SPSB1: variants seen among roughly 807,000 people sequenced by gnomAD.
SPSB1 encodes SPRY domain-containing SOCS box protein 1.
SPSB1 carries 8 observed loss-of-function variants against 21.2 expected under a neutral mutation model. That is an observed-to-expected ratio of 0.38 (90% confidence interval 0.22 to 0.68). The LOEUF is 0.68. Ranked by LOEUF, SPSB1 falls within the 30% of genes least tolerant of loss-of-function variation. SPSB1 has a pLI of 0.53. For missense variants in SPSB1, 242 were observed against 377.8 expected (o/e 0.64, Z 2.98); for synonymous variants, 169 against 161.7 (o/e 1.05, Z -0.34).
intron 2 of SPSB1, among the ~76,000 whole-genome samples, chr1:9,365,353 G>A (rs1356619886): frequency 6.6e-6 from 1 of 152,174 alleles, no homozygotes; most frequent in Non-Finnish European, 1.5e-5. Flanking sequence ...CTGGGCTCAA[G>A]CAGTCTTCTG....
intron 1 of SPSB1, among the ~76,000 whole-genome samples, chr1:9,308,345 G>A (rs1639455776): frequency 6.6e-6 from 1 of 152,172 alleles, no homozygotes; most frequent in Admixed American, 6.5e-5. Context: ...CCAGCAGTAG[G>A]TCCTGCATAC....
rs140283959 is a variant in SPSB1 at position 9,345,765 on chromosome 1, G to A, written c.-149-9978G>A. The stretch of plus-strand genomic sequence containing the variant: ...AGGTCAGGGACTAGAGCTCTGGACC[G>A]TGTGGGATTTTCTCTCCAAAATCAC... On this transcript the variant is annotated intron_variant, in intron 1 of 2. Coordinates refer to ENST00000328089, the MANE Select transcript of SPSB1 (RefSeq NM_025106.4). This position sits in a 1 kb window ranked among gnomAD's most constrained non-coding sequence, Gnocchi z 4.8. Among the ~76,000 whole-genome samples the A allele has an allele frequency of 2.8e-3, 419 of 152,314 alleles. 1 individual carries two copies. Among genetic ancestry groups the A allele is most frequent in the Middle Eastern group, 0.017 (5 of 294 alleles).
chr1:9,367,515 G>A lies in SPSB1; in HGVS notation c.762G>A (p.Leu254=). The change falls in exon 3 of 3, where the codon CTG becomes CTA. Residue 254 remains leucine (L), a synonymous_variant. Transcript: ENST00000328089. The surrounding 1 kb of genome is among the most constrained non-coding windows in gnomAD (Gnocchi z 5.9). ...GCCTGGCCCTGGGGAGGGAGCGCCTGGGGGAGATCCACACGCTGCCGCTGC... is the reference window on the plus strand; with the variant it reads ...GCCTGGCCCTGGGGAGGGAGCGCCTAGGGGAGATCCACACGCTGCCGCTGC... ...SVRLALGRER[L]GEIHTLPLPA... 6.2e-7 allele frequency: 1 copy of A among 1,611,002 alleles called. No individual in the cohort carries two copies.
At position 9,366,356 on chromosome 1, in the gene SPSB1, C is replaced by T. The variant is rs74051642; in HGVS notation, c.695-1092C>T. Among the ~76,000 whole-genome samples the T allele has an allele frequency of 6.5e-3, 986 of 152,348 alleles. 15 individuals carry two copies. The highest frequency in any genetic ancestry group is 0.022 in the African/African-American group (919 of 41,584). ...ACTGTCAGACAGAAGCACAGACACC[C>T]GGGGTTTCTCTGTCTCCATGTGGCA... On this transcript the variant is annotated intron_variant, in intron 2 of 2. Coordinates refer to ENST00000328089, the MANE Select transcript of SPSB1 (RefSeq NM_025106.4).
At chr1:9,319,936 C>T (rs114558831) in intron 1 of SPSB1, among the ~76,000 whole-genome samples, 2,799 of 152,204 alleles carry the variant, frequency 0.018, 76 homozygotes, top group African/African-American at 0.063. Flanking sequence ...GGACCATAGC[C>T]GGCCCCTGAG....
chr1:9,328,176 G>A (rs1382605831), intron 1 of SPSB1, among the ~76,000 whole-genome samples: 1 of 152,228 alleles, frequency 6.6e-6, no homozygotes, highest in African/African-American at 2.4e-5. Flanking sequence ...ACGTGGCTGT[G>A]TGGAGGATTC....
chr1:9,336,876 C>A (rs12728282), intron 1 of SPSB1, among the ~76,000 whole-genome samples: 1 of 151,920 alleles, frequency 6.6e-6, no homozygotes. Context: ...GAGACCCAGG[C>A]GGGTACGGGT....
chr1:9,311,396 T>C (rs1256862247), intron 1 of SPSB1, among the ~76,000 whole-genome samples: 1 of 152,118 alleles, frequency 6.6e-6, no homozygotes, highest in Non-Finnish European at 1.5e-5. Context: ...ATTTTTATAA[T>C]GGAAAATTTC....
At chr1:9,334,625 C>T (rs566252805) in intron 1 of SPSB1, among the ~76,000 whole-genome samples, 3 of 152,310 alleles carry the variant, frequency 2.0e-5, no homozygotes, top group East Asian at 1.9e-4. Flanking sequence ...TTCTTATCTT[C>T]CCCAACGGAA....
chr1:9,340,278 G>A (rs1640069313), intron 1 of SPSB1, among the ~76,000 whole-genome samples: 1 of 152,174 alleles, frequency 6.6e-6, no homozygotes, highest in African/African-American at 2.4e-5. Flanking sequence ...GCAGAGGAGG[G>A]GCCTGGGGGG....
intron 1 of SPSB1, among the ~76,000 whole-genome samples, chr1:9,349,094 C>T (rs1192981374): frequency 6.6e-6 from 1 of 152,136 alleles, no homozygotes; most frequent in Non-Finnish European, 1.5e-5. Flanking sequence ...AGCCCCTCCC[C>T]CTCCTCCAGA....
chr1:9,300,926 A>G (rs968518210), intron 1 of SPSB1, among the ~76,000 whole-genome samples: 4 of 152,234 alleles, frequency 2.6e-5, no homozygotes, highest in Non-Finnish European at 4.4e-5. Context: ...GCAGATGGCT[A>G]CAGATGGCTC....
intron 1 of SPSB1, among the ~76,000 whole-genome samples, chr1:9,309,929 TGGTCA>T (rs1000835471): frequency 6.6e-6 from 1 of 152,152 alleles, no homozygotes; most frequent in Admixed American, 6.5e-5. Context: ...TTCAACTTCC[TGGTCA>T]TTTTGTTTGG....
intron 1 of SPSB1, among the ~76,000 whole-genome samples, chr1:9,350,275 G>A (rs1253942854): frequency 6.6e-6 from 1 of 152,234 alleles, no homozygotes; most frequent in Non-Finnish European, 1.5e-5. Flanking sequence ...TGAGGGCTGC[G>A]GACAGGAGAA....
intron 2 of SPSB1, among the ~76,000 whole-genome samples, chr1:9,357,906 G>C (rs968912502): frequency 1.3e-5 from 2 of 152,280 alleles, no homozygotes. Context: ...TCCCACGTTG[G>C]GAAGCAAGTG....
At position 9,356,625 on chromosome 1, in the gene SPSB1, C is replaced by T. The variant is rs766803288; in HGVS notation, c.694+40C>T. ...TGCTGTCAGAGGCAATGCCCTCCCT[C>T]AGTCCCCATGGTCCTGGCTGGGCTC... On this transcript the variant is annotated intron_variant, in intron 2 of 2. Coordinates refer to ENST00000328089, the MANE Select transcript of SPSB1 (RefSeq NM_025106.4). This position sits in a 1 kb window ranked among gnomAD's most constrained non-coding sequence, Gnocchi z 7.4. The T allele has an allele frequency of 2.6e-6, 4 of 1,552,814 alleles. No individual in the cohort carries two copies. In the East Asian group the frequency reaches 9.0e-5, roughly 35 times the overall value.
At position 9,345,915 on chromosome 1, in the gene SPSB1, G is replaced by A. The variant is rs144122412; in HGVS notation, c.-149-9828G>A. ...CAGTTGGCAGGGTGAGGGGTGGAGG[G>A]TGGTAACCACGTGTCACAAGCCCTG... On this transcript the variant is annotated intron_variant, in intron 1 of 2. Transcript: ENST00000328089. The surrounding 1 kb of genome is among the most constrained non-coding windows in gnomAD (Gnocchi z 4.8). Among the ~76,000 whole-genome samples the A allele has an allele frequency of 1.0e-3, 155 of 152,332 alleles. No individual in the cohort carries two copies. Among genetic ancestry groups the A allele is most frequent in the Non-Finnish European group, 1.7e-3 (119 of 68,026 alleles).
chr1:9,336,663 C>T (rs1189060463), intron 1 of SPSB1, among the ~76,000 whole-genome samples: 2 of 152,184 alleles, frequency 1.3e-5, no homozygotes, highest in African/African-American at 4.8e-5. Flanking sequence ...TCACCCGTGG[C>T]GCTGGGCTAG....
At chr1:9,313,995 G>T (rs551983999) in intron 1 of SPSB1, among the ~76,000 whole-genome samples, 2 of 152,148 alleles carry the variant, frequency 1.3e-5, no homozygotes, top group African/African-American at 4.8e-5. Context: ...GGCCAACATG[G>T]TGAAATCCCT....
Sources: gnomAD v4.1 joint callset for allele counts (sites outside exome capture counted in the v4.1 genomes callset) on GRCh38, gnomAD v4.1.1 for gene constraint, Gnocchi (gnomAD v3.1) non-coding constraint, MANE v1.5 for transcripts, NCBI Gene and HGNC (gene_info 2026-07-23, HGNC 2026-07-21) for gene names.